CTNNA2: variants seen among roughly 807,000 people sequenced by gnomAD.
The protein encoded by CTNNA2 is catenin alpha-2.
CTNNA2 carries 42 observed loss-of-function variants against 101.0 expected under a neutral mutation model. The ratio of observed to expected loss-of-function variants is 0.42; its 90% CI spans 0.32 to 0.54. The LOEUF (loss-of-function observed/expected upper bound fraction) is 0.54. Ranked by LOEUF, CTNNA2 falls within the 20% of genes least tolerant of loss-of-function variation. The pLI is 0.14. For synonymous variants in CTNNA2, 450 were observed against 456.4 expected, an observed-to-expected ratio of 0.99 and a Z score of 0.18; for missense variants, 871 against 1,223.1, an observed-to-expected ratio of 0.71 and a Z score of 4.29.
chr2:79,602,803 A>G (rs76561279), intron 1 of CTNNA2, among the ~76,000 whole-genome samples: 32 of 152,156 alleles, frequency 2.1e-4, no homozygotes, highest in Non-Finnish European at 4.0e-4. Context: ...TGAAAGACAT[A>G]AAGTAACAGC....
At chr2:80,026,101 G>A (rs1031225167) in intron 7 of CTNNA2, among the ~76,000 whole-genome samples, 1 of 152,136 alleles carries the variant, frequency 6.6e-6, no homozygotes, top group Admixed American at 6.5e-5. Flanking sequence ...ATCTCACTAA[G>A]GAGATGACAT....
chr2:80,567,756 A>C (rs144807450), intron 12 of CTNNA2, among the ~76,000 whole-genome samples: 1 of 152,122 alleles, frequency 6.6e-6, no homozygotes, highest in Non-Finnish European at 1.5e-5. Context: ...CAACTGTTAC[A>C]GTAGAGGCTC....
At chr2:80,126,981 G>A (rs1034877506) in intron 7 of CTNNA2, among the ~76,000 whole-genome samples, 1 of 152,080 alleles carries the variant, frequency 6.6e-6, no homozygotes, top group Non-Finnish European at 1.5e-5. Context: ...CTTTAAATAC[G>A]GCTCTTAGTC....
intron 4 of CTNNA2, among the ~76,000 whole-genome samples, chr2:79,423,841 G>T (rs1210631694): frequency 1.3e-5 from 2 of 152,162 alleles, no homozygotes; most frequent in East Asian, 3.9e-4. Flanking sequence ...GACTAATCGG[G>T]ACGCTTGTTA....
At chr2:79,278,489 C>T (rs1449022260) in intron 2 of CTNNA2, among the ~76,000 whole-genome samples, 2 of 149,934 alleles carry the variant, frequency 1.3e-5, no homozygotes, top group South Asian at 2.1e-4. Flanking sequence ...CTACATGTGA[C>T]TCAAAATCCA....
At chr2:80,096,600 G>T (rs1209233547) in intron 7 of CTNNA2, among the ~76,000 whole-genome samples, 1 of 152,156 alleles carries the variant, frequency 6.6e-6, no homozygotes, top group African/African-American at 2.4e-5. Flanking sequence ...AATGTTGACA[G>T]TGGGGTGTTA....
At chr2:80,060,484 T>A (rs1697508326) in intron 7 of CTNNA2, among the ~76,000 whole-genome samples, 1 of 152,048 alleles carries the variant, frequency 6.6e-6, no homozygotes, top group Admixed American at 6.6e-5. Flanking sequence ...CCATTCAATA[T>A]CTCCTATTTC....
At position 80,195,844 on chromosome 2, in the gene CTNNA2, G is replaced by A. The variant is rs145969293; in HGVS notation, c.1057-197367G>A. 2.1e-3 allele frequency among the ~76,000 whole-genome samples: 314 copies of A among 152,124 alleles called. 1 individual carries two copies. The highest frequency in any genetic ancestry group is 7.3e-3 in the African/African-American group (303 of 41,518). On this transcript the variant is annotated intron_variant, in intron 7 of 18. Transcript: ENST00000402739. Reference sequence around the variant, plus strand: ...ACCTGTAATCCCAGAATTTTGGGAGGTGAGGCAGGAGGATCACTTGAGGGC... The same window carrying A: ...ACCTGTAATCCCAGAATTTTGGGAGATGAGGCAGGAGGATCACTTGAGGGC...
At chr2:79,567,627 C>G (rs1449546966) in intron 1 of CTNNA2, among the ~76,000 whole-genome samples, 1 of 151,966 alleles carries the variant, frequency 6.6e-6, no homozygotes, top group African/African-American at 2.4e-5. Flanking sequence ...CCTCTTTATT[C>G]TGGTTTGATG....
At chr2:79,750,794 C>A (rs567120831) in intron 3 of CTNNA2, among the ~76,000 whole-genome samples, 2 of 151,718 alleles carry the variant, frequency 1.3e-5, no homozygotes, top group Non-Finnish European at 2.9e-5. Context: ...ATCACTTGAA[C>A]CCAGGAGGTG....
At chr2:80,052,882 G>A (rs1558763492) in intron 7 of CTNNA2, among the ~76,000 whole-genome samples, 1 of 152,260 alleles carries the variant, frequency 6.6e-6, no homozygotes, top group East Asian at 1.9e-4. Flanking sequence ...ATGGGAGAGA[G>A]GATCTATATA....
intron 1 of CTNNA2, among the ~76,000 whole-genome samples, chr2:79,639,848 C>T (rs1338942799): frequency 2.0e-5 from 3 of 151,912 alleles, no homozygotes; most frequent in Non-Finnish European, 4.4e-5. Context: ...ACTTATTTTT[C>T]CAGGTCTGTA....
chr2:79,424,115 C>T (rs1292500226), intron 4 of CTNNA2, among the ~76,000 whole-genome samples: 1 of 152,072 alleles, frequency 6.6e-6, no homozygotes, highest in Non-Finnish European at 1.5e-5. Flanking sequence ...AATGCTAGAT[C>T]ATGGGCGGTG....
intron 12 of CTNNA2, among the ~76,000 whole-genome samples, chr2:80,558,168 G>T (rs917968773): frequency 2.0e-5 from 3 of 152,182 alleles, no homozygotes; most frequent in African/African-American, 7.2e-5. Context: ...TCAAGGAAAA[G>T]TGGGTGTCAG....
chr2:79,603,954 G>A (rs1393356930), intron 1 of CTNNA2, among the ~76,000 whole-genome samples: 1 of 152,078 alleles, frequency 6.6e-6, no homozygotes, highest in Non-Finnish European at 1.5e-5. Context: ...GCCTGAGAGA[G>A]CGAGTCCACC....
Position 80,003,862 on chromosome 2 carries a change from A to G in CTNNA2, c.1056+94065A>G, listed in dbSNP as rs541484829. On this transcript the variant is annotated intron_variant, in intron 7 of 18. Coordinates refer to ENST00000402739, the MANE Select transcript of CTNNA2 (RefSeq NM_001282597.3). ...ATTGATTATTTTTTAACTCCATTCA[A>G]TAGATCCCTAGGATGCCAGGAAAGT... 9.2e-4 allele frequency among the ~76,000 whole-genome samples: 140 copies of G among 152,302 alleles called. 1 individual carries two copies. Among genetic ancestry groups the G allele is most frequent in the African/African-American group, 3.2e-3 (131 of 41,572 alleles).
intron 7 of CTNNA2, among the ~76,000 whole-genome samples, chr2:80,242,945 G>C (rs917130670): frequency 1.3e-5 from 2 of 152,146 alleles, no homozygotes; most frequent in Non-Finnish European, 2.9e-5. Flanking sequence ...GAGCAGCAAA[G>C]GGCCAGAAAC....
At chr2:80,641,668 A>G (rs1287086735) in intron 18 of CTNNA2, among the ~76,000 whole-genome samples, 3 of 152,166 alleles carry the variant, frequency 2.0e-5, no homozygotes, top group African/African-American at 7.2e-5. Flanking sequence ...ACCATTCTGA[A>G]GGGTAAAAGA....
intron 6 of CTNNA2, among the ~76,000 whole-genome samples, chr2:79,889,520 A>T (rs1349961150): frequency 6.6e-6 from 1 of 152,170 alleles, no homozygotes; most frequent in Non-Finnish European, 1.5e-5. Context: ...AGCATCTCAT[A>T]GGGCAGAGAA....
Sources: allele counts gnomAD v4.1 joint callset (sites outside exome capture counted in the v4.1 genomes callset), GRCh38; gene constraint gnomAD v4.1.1; transcripts MANE v1.5; gene names NCBI Gene and HGNC (gene_info 2026-07-23, HGNC 2026-07-21).